FAT3: variants seen among roughly 807,000 people sequenced by gnomAD.
FAT3 encodes the protein FAT atypical cadherin 3.
In FAT3, 95 loss-of-function variants were observed where a neutral mutation model predicts 310.2. The observed-to-expected ratio is 0.31, with a 90% confidence interval of 0.26 to 0.36. FAT3 has a LOEUF of 0.36. Among genes scored for constraint, FAT3 ranks in the 10% least tolerant of loss-of-function variants. FAT3 has a pLI of 1.00. For missense variants in FAT3, 5,408 were observed against 5,715.6 expected, an observed-to-expected ratio of 0.95 and a Z score of 1.74; for synonymous variants, 2,314 against 2,192.9, an observed-to-expected ratio of 1.06 and a Z score of -1.54.
chr11:92,491,143 C>T (rs1294007612), intron 2 of FAT3, among the ~76,000 whole-genome samples: 2 of 151,948 alleles, frequency 1.3e-5, no homozygotes, highest in Non-Finnish European at 2.9e-5. Flanking sequence ...TGATTGATTC[C>T]TCTACTTAGA....
intron 3 of FAT3, among the ~76,000 whole-genome samples, chr11:92,570,865 T>C (rs1955644359): frequency 6.6e-6 from 1 of 152,146 alleles, no homozygotes; most frequent in Admixed American, 6.6e-5. Flanking sequence ...ATGATTTCAG[T>C]GTCAAAGTGT....
chr11:92,358,040 G>A (rs2134660639), intron 2 of FAT3, among the ~76,000 whole-genome samples: 1 of 151,602 alleles, frequency 6.6e-6, no homozygotes, highest in South Asian at 2.1e-4. Context: ...GGGTGTGGTG[G>A]TGCACGCCTG....
chr11:92,759,229 G>T (rs185965699), intron 4 of FAT3, among the ~76,000 whole-genome samples: 1 of 152,334 alleles, frequency 6.6e-6, no homozygotes, highest in Non-Finnish European at 1.5e-5. Flanking sequence ...GACTGTTCAA[G>T]TAGGACCTGC....
chr11:92,801,658 A>G lies in FAT3; in HGVS notation c.8645A>G (p.Asp2882Gly). Residue 2882 changes from aspartate (D) to glycine (G), a missense_variant, in exon 10 of 28, where the codon GAT becomes GGT. Asp to Gly is a moderately conservative substitution (Grantham distance 94). Around this residue, in one of 5 missense-constraint regions of FAT3, gnomAD observed 4,588 missense variants for 4,809.8 expected, o/e 0.95. Transcript: ENST00000525166. The part of the protein sequence containing the change: ...TGWISTLKDL[D>G]HETDPTFTFS... ...TGGATCAGTACCTTGAAGGACCTAG[A>G]TCACGAGACAGACCCCACATTCACC... 6.2e-7 allele frequency: 1 copy of G among 1,613,868 alleles called. No individual in the cohort carries two copies. The highest frequency in any genetic ancestry group is 8.5e-7 in the Non-Finnish European group (1 of 1,179,850).
intron 3 of FAT3, among the ~76,000 whole-genome samples, chr11:92,671,484 C>A (rs1253276198): frequency 6.6e-6 from 1 of 151,954 alleles, no homozygotes; most frequent in Non-Finnish European, 1.5e-5. Flanking sequence ...AGAACATTTG[C>A]CCCCGTCCTC....
chr11:92,415,433 G>T (rs1394837724), intron 2 of FAT3, among the ~76,000 whole-genome samples: 1 of 152,158 alleles, frequency 6.6e-6, no homozygotes, highest in Non-Finnish European at 1.5e-5. Flanking sequence ...AGTGGGAACA[G>T]ATGCTTCAGG....
At chr11:92,231,207 T>C (rs932956512) in intron 1 of FAT3, among the ~76,000 whole-genome samples, 1 of 152,204 alleles carries the variant, frequency 6.6e-6, no homozygotes, top group Non-Finnish European at 1.5e-5. Flanking sequence ...TGTTTTCCTA[T>C]GTTTGAGACT....
intron 3 of FAT3, among the ~76,000 whole-genome samples, chr11:92,607,207 A>T (rs1252402845): frequency 6.6e-6 from 1 of 152,142 alleles, no homozygotes; most frequent in African/African-American, 2.4e-5. Flanking sequence ...CAGTGAAAAT[A>T]TTCACTGGAA....
intron 1 of FAT3, among the ~76,000 whole-genome samples, chr11:92,339,760 C>T (rs1948194081): frequency 6.6e-6 from 1 of 151,898 alleles, no homozygotes; most frequent in Non-Finnish European, 1.5e-5. Context: ...ACCTGCTCTA[C>T]TAGGATCAAA....
Position 92,354,329 on chromosome 11 carries a change from G to A in FAT3, c.2217G>A (p.Leu739=), listed in dbSNP as rs752381873. The A allele has an allele frequency of 6.2e-7, 1 of 1,613,784 alleles. No individual in the cohort carries two copies. Among genetic ancestry groups the A allele is most frequent in the Non-Finnish European group, 8.5e-7 (1 of 1,179,848 alleles). Residue 739 remains leucine (L), a synonymous_variant, in exon 2 of 28, where the codon CTG becomes CTA. Coordinates refer to ENST00000525166, the MANE Select transcript of FAT3 (RefSeq NM_001367949.2). ...CTGATGTGGCTGTAAAGGAGGATCT[G>A]CCAGTTGGTGCTAACATTCTGAAGA... The part of the protein sequence containing the change: ...FPSDVAVKED[L]PVGANILKIK...
chr11:92,353,483 G>A lies in FAT3; in HGVS notation c.1371G>A (p.Gln457=), dbSNP rs10830903. 92,643 of 1,613,216 alleles carry A rather than the reference G, an allele frequency of 0.057. 3,275 individuals are homozygous for A. Among genetic ancestry groups the A allele is most frequent in the African/African-American group, 0.14 (10,680 of 74,976 alleles). The change falls in exon 2 of 28, where the codon CAG becomes CAA. Residue 457 remains glutamine, a synonymous_variant. Coordinates refer to ENST00000525166, the MANE Select transcript of FAT3 (RefSeq NM_001367949.2). ...ACAAGGAAGGAGATTTAAAAGCACAGGTCACCATCAGCATAGAAGATGCAA... is the reference window on the plus strand; with the variant it reads ...ACAAGGAAGGAGATTTAAAAGCACAAGTCACCATCAGCATAGAAGATGCAA... ...VTNKEGDLKA[Q]VTISIEDAND... is the part of the protein sequence containing the mutation.
At chr11:92,572,814 CA>C (rs1369012391) in intron 3 of FAT3, among the ~76,000 whole-genome samples, 1 of 152,134 alleles carries the variant, frequency 6.6e-6, no homozygotes, top group African/African-American at 2.4e-5. Context: ...ATAATTTAAG[CA>C]TTTGATTTCC....
At chr11:92,524,565 G>T (rs372185611) in intron 2 of FAT3, 69 bp from the exon 3 acceptor site, 20 of 1,474,142 alleles carry the variant, frequency 1.4e-5, no homozygotes, top group Middle Eastern at 1.8e-4. Context: ...TAGTCCTTTG[G>T]AATTTGAGAT....
chr11:92,398,983 C>T (rs1949950427), intron 2 of FAT3, among the ~76,000 whole-genome samples: 1 of 152,050 alleles, frequency 6.6e-6, no homozygotes, highest in Non-Finnish European at 1.5e-5. Context: ...AAGGTAAATA[C>T]AGTAAAGACA....
At chr11:92,301,183 C>T (rs1946988486) in intron 1 of FAT3, among the ~76,000 whole-genome samples, 1 of 152,142 alleles carries the variant, frequency 6.6e-6, no homozygotes, top group South Asian at 2.1e-4. Context: ...GCTACACTCA[C>T]ATAGGGGTTA....
chr11:92,544,502 T>C (rs1954554600), intron 3 of FAT3, among the ~76,000 whole-genome samples: 1 of 130,238 alleles, frequency 7.7e-6, no homozygotes, highest in Non-Finnish European at 1.8e-5. Context: ...TATCAATAAA[T>C]ATAAATAAAC....
chr11:92,397,093 A>G (rs1431333682), intron 2 of FAT3, among the ~76,000 whole-genome samples: 2 of 152,172 alleles, frequency 1.3e-5, no homozygotes, highest in Non-Finnish European at 2.9e-5. Context: ...ATGATAGTAC[A>G]ATCCTATCTT....
At chr11:92,738,621 T>A (rs1057119127) in intron 4 of FAT3, among the ~76,000 whole-genome samples, 5 of 152,218 alleles carry the variant, frequency 3.3e-5, no homozygotes, top group Non-Finnish European at 7.3e-5. Flanking sequence ...CAAAGTACTC[T>A]GATATAAACA....
chr11:92,572,672 G>T (rs1938244782), intron 3 of FAT3, among the ~76,000 whole-genome samples: 1 of 152,184 alleles, frequency 6.6e-6, no homozygotes, highest in African/African-American at 2.4e-5. Flanking sequence ...ACATTGAGGT[G>T]CTTTTAACTA....
Sources: gnomAD v4.1 joint callset for allele counts (sites outside exome capture counted in the v4.1 genomes callset) on GRCh38, gnomAD v4.1.1 for gene constraint, gnomAD v4.1.1 regional missense constraint, MANE v1.5 for transcripts, NCBI Gene and HGNC (gene_info 2026-07-23, HGNC 2026-07-21) for gene names.